RNF13: variants seen among roughly 807,000 people sequenced by gnomAD.
The protein encoded by RNF13 is E3 ubiquitin-protein ligase RNF13.
RNF13 carries 19 observed loss-of-function variants against 37.7 expected under a neutral mutation model. The observed-to-expected ratio is 0.50, with a 90% CI of 0.35 to 0.74. RNF13 has a LOEUF of 0.74. RNF13 is among the 30% of genes least tolerant of loss of function. The pLI is 0.01. For missense variants in RNF13, 375 were observed against 453.0 expected, an observed-to-expected ratio of 0.83 and a Z score of 1.56; for synonymous variants, 144 against 157.8, an observed-to-expected ratio of 0.91 and a Z score of 0.65.
At chr3:149,834,806 A>G (rs1430370293) in intron 1 of RNF13, among the ~76,000 whole-genome samples, 1 of 152,230 alleles carries the variant, frequency 6.6e-6, no homozygotes, top group Non-Finnish European at 1.5e-5. Context: ...TACAGCTTAC[A>G]GAACTGTGGG....
intron 8 of RNF13, among the ~76,000 whole-genome samples, chr3:149,948,492 G>GTA (rs1237187467): frequency 6.6e-6 from 1 of 151,656 alleles, no homozygotes; most frequent in Non-Finnish European, 1.5e-5. Flanking sequence ...ATTTCCCTTT[G>GTA]TATATATTCT....
intron 1 of RNF13, among the ~76,000 whole-genome samples, chr3:149,826,992 A>G (rs1720567590): frequency 6.6e-6 from 1 of 152,178 alleles, no homozygotes; most frequent in African/African-American, 2.4e-5. Flanking sequence ...TCCTGGGCTC[A>G]AGCAGTCCAC....
intron 3 of RNF13, among the ~76,000 whole-genome samples, chr3:149,860,270 A>AAAAAATATATAT (rs1302318768): frequency 9.6e-6 from 1 of 104,116 alleles, no homozygotes; most frequent in Non-Finnish European, 1.8e-5. Context: ...AAAAAAAAAA[A>AAAAAATATATAT]ATATATATAT....
chr3:149,827,513 A>G (rs1189757268), intron 1 of RNF13, among the ~76,000 whole-genome samples: 1 of 152,164 alleles, frequency 6.6e-6, no homozygotes, highest in Non-Finnish European at 1.5e-5. Flanking sequence ...CATTCAGTCT[A>G]TAAATATTAA....
chr3:149,916,018 T>C lies in RNF13; in HGVS notation c.606+3935T>C, dbSNP rs751028986. On this transcript the variant is annotated intron_variant, in intron 7 of 9. Coordinates refer to ENST00000392894, the MANE Select transcript of RNF13 (RefSeq NM_183381.3). ...TATGTTGTGTATATTTTACTGTAATTTTAAAATTAACTAGGCAATCAAAAT... is the reference window on the plus strand; with the variant it reads ...TATGTTGTGTATATTTTACTGTAATCTTAAAATTAACTAGGCAATCAAAAT... 1.6e-4 allele frequency among the ~76,000 whole-genome samples: 24 copies of C among 152,196 alleles called. 1 individual carries two copies. Among genetic ancestry groups the C allele is most frequent in the Non-Finnish European group, 2.4e-4 (16 of 68,022 alleles).
intron 3 of RNF13, among the ~76,000 whole-genome samples, chr3:149,861,296 G>A (rs940669732): frequency 1.3e-5 from 2 of 151,934 alleles, no homozygotes; most frequent in Non-Finnish European, 2.9e-5. Flanking sequence ...TTTATCCAAA[G>A]GAAAAGAAGT....
chr3:149,954,198 A>AG (rs1474361574), intron 8 of RNF13, among the ~76,000 whole-genome samples: 1 of 151,974 alleles, frequency 6.6e-6, no homozygotes, highest in African/African-American at 2.4e-5. Context: ...CACAGATGTT[A>AG]GAAAAAAAAA....
At chr3:149,960,479 C>T (rs1722289154) in intron 9 of RNF13, among the ~76,000 whole-genome samples, 1 of 151,890 alleles carries the variant, frequency 6.6e-6, no homozygotes, top group African/African-American at 2.4e-5. Context: ...TAGTCCCCAG[C>T]TACTAGGGAG....
intron 1 of RNF13, among the ~76,000 whole-genome samples, chr3:149,815,157 C>T (rs1357717465): frequency 3.9e-4 from 60 of 152,258 alleles, no homozygotes; most frequent in Non-Finnish European, 5.6e-4. Flanking sequence ...TATTTTTCTG[C>T]ATTCCAGAAT....
At chr3:149,935,092 C>A (rs901894012) in intron 8 of RNF13, among the ~76,000 whole-genome samples, 28 of 152,164 alleles carry the variant, frequency 1.8e-4, no homozygotes, top group African/African-American at 5.6e-4. Flanking sequence ...TTCCACAGAG[C>A]TGGATGAAGT....
chr3:149,848,895 A>G (rs1722886637), intron 2 of RNF13, among the ~76,000 whole-genome samples: 1 of 152,262 alleles, frequency 6.6e-6, no homozygotes, highest in Admixed American at 6.5e-5. Flanking sequence ...CCTCTAGGCC[A>G]TGAGTACTTG....
In RNF13 at chr3:149,932,350, T is replaced by A. The variant is rs527393625; in HGVS notation, c.700+11123T>A. Among the ~76,000 whole-genome samples, 12 of 152,280 alleles carry A rather than the reference T, an allele frequency of 7.9e-5. No homozygotes were observed. The East Asian group carries it at 2.3e-3, about 29-fold the overall frequency. On this transcript the variant is annotated intron_variant, in intron 8 of 9. Transcript: ENST00000392894. Reference sequence around the variant, plus strand: ...CTCCCGCCACATCACATGTTCCTCTTGCGTAGTACAATACAATCATCTCTT... The same window carrying A: ...CTCCCGCCACATCACATGTTCCTCTAGCGTAGTACAATACAATCATCTCTT...
intron 2 of RNF13, chr3:149,851,667 TC>T (rs1193123695): frequency 6.6e-6 from 1 of 152,218 alleles, no homozygotes; most frequent in Admixed American, 6.5e-5. Flanking sequence ...TGTGAACACT[TC>T]CCTTAATTTC....
chr3:149,825,242 T>TCTC (rs1418134745), intron 1 of RNF13, among the ~76,000 whole-genome samples: 1 of 151,520 alleles, frequency 6.6e-6, no homozygotes, highest in Non-Finnish European at 1.5e-5. Context: ...AGTGGCACAT[T>TCTC]CTCTGCTCAC....
chr3:149,864,649 A>G (rs1724619258), intron 3 of RNF13, among the ~76,000 whole-genome samples: 1 of 152,216 alleles, frequency 6.6e-6, no homozygotes, highest in Non-Finnish European at 1.5e-5. Flanking sequence ...ACAGAGCTGG[A>G]ATATCATAAA....
At chr3:149,942,876 A>G (rs563868902) in intron 8 of RNF13, among the ~76,000 whole-genome samples, 37 of 152,028 alleles carry the variant, frequency 2.4e-4, no homozygotes, top group Admixed American at 7.9e-4. Flanking sequence ...GTTTTTTTCT[A>G]TTCCTAGTTT....
Position 149,892,399 on chromosome 3 carries a change from G to A in RNF13, c.322-3074G>A, listed in dbSNP as rs117250923. Among the ~76,000 whole-genome samples the A allele has an allele frequency of 3.3e-3, 500 of 152,286 alleles. 29 individuals are homozygous for A. In the East Asian group the frequency reaches 0.091, roughly 28 times the overall value. On this transcript the variant is annotated intron_variant, in intron 4 of 9. Transcript: ENST00000392894. ...AGATGATTCTTAATAATTTGAGAGT[G>A]AGAAAGCCTCTTGAAAGATTATTAC...
intron 6 of RNF13, among the ~76,000 whole-genome samples, chr3:149,910,313 G>T (rs1716863578): frequency 6.6e-6 from 1 of 152,130 alleles, no homozygotes; most frequent in East Asian, 1.9e-4. Context: ...AGTTACTTTA[G>T]TATTTTGTGC....
At chr3:149,824,625 T>G (rs1720301654) in intron 1 of RNF13, among the ~76,000 whole-genome samples, 1 of 152,036 alleles carries the variant, frequency 6.6e-6, no homozygotes, top group South Asian at 2.1e-4. Flanking sequence ...TGGTTTTTTT[T>G]TGTGAAAGGA....
Sources: gnomAD v4.1 joint callset for allele counts (sites outside exome capture counted in the v4.1 genomes callset) on GRCh38, gnomAD v4.1.1 for gene constraint, MANE v1.5 for transcripts, NCBI Gene and HGNC (gene_info 2026-07-23, HGNC 2026-07-21) for gene names.